The following WDTC1 variants were observed in gnomAD, a reference collection of about 807,000 sequenced individuals.
WDTC1 encodes the protein WD and tetratricopeptide repeats protein 1.
A neutral mutation model predicts 76.0 loss-of-function variants in WDTC1; 12 were observed. The observed-to-expected ratio is 0.16, with a 90% CI of 0.10 to 0.26. The LOEUF is 0.26. Ranked by LOEUF, WDTC1 falls within the 10% of genes least tolerant of loss-of-function variation. The pLI, the probability that WDTC1 is intolerant of heterozygous loss-of-function variation, is 1.00. For synonymous variants in WDTC1, 326 were observed against 350.8 expected, an observed-to-expected ratio of 0.93 and a Z score of 0.79; for missense variants, 511 against 908.8, an observed-to-expected ratio of 0.56 and a Z score of 5.63.
chr1:27,280,653 C>A (rs947495038), intron 3 of WDTC1, among the ~76,000 whole-genome samples: 3 of 152,214 alleles, frequency 2.0e-5, no homozygotes, highest in African/African-American at 7.2e-5. Flanking sequence ...TCCTAGTTGG[C>A]ATTTTTTGTG....
intron 1 of WDTC1, among the ~76,000 whole-genome samples, chr1:27,241,537 G>A (rs761604812): frequency 3.3e-4 from 50 of 152,188 alleles, no homozygotes; most frequent in Middle Eastern, 3.4e-3. Flanking sequence ...CTGTCACTGA[G>A]TTAGAAAGGA....
intron 13 of WDTC1, among the ~76,000 whole-genome samples, chr1:27,302,452 T>A (rs1208717855): frequency 6.6e-6 from 1 of 152,176 alleles, no homozygotes; most frequent in Non-Finnish European, 1.5e-5. Flanking sequence ...TATAGCTGTG[T>A]GGCCTAGCGC....
chr1:27,294,381 T>G, intron 8 of WDTC1, 133 bp from the exon 9 acceptor site: 1 of 804,354 alleles, frequency 1.2e-6, no homozygotes, highest in Non-Finnish European at 2.0e-6. Context: ...GTGCATATAG[T>G]AAGGGCTCAA....
intron 1 of WDTC1, among the ~76,000 whole-genome samples, chr1:27,259,857 C>CAA (rs57818136): frequency 1.2e-4 from 11 of 91,634 alleles, no homozygotes; most frequent in East Asian, 5.6e-4. Flanking sequence ...TCCATCTCTA[C>CAA]AAAAAAAAAA....
At chr1:27,261,185 T>C (rs2012467082) in intron 2 of WDTC1, 83 bp downstream of exon 2, 2 of 1,563,260 alleles carry the variant, frequency 1.3e-6, no homozygotes, top group Middle Eastern at 1.7e-4. Context: ...AACTGAAATC[T>C]ATAGTCTGTG....
At chr1:27,267,674 C>CT (rs1186871387) in intron 3 of WDTC1, among the ~76,000 whole-genome samples, 1 of 151,978 alleles carries the variant, frequency 6.6e-6, no homozygotes, top group Non-Finnish European at 1.5e-5. Flanking sequence ...AAATGTTAGC[C>CT]TAACATATTT....
rs2012952411 is a variant in WDTC1, at chr1:27,274,050, T to C, written c.133-8189T>C. Among the ~76,000 whole-genome samples, 1 of 152,090 alleles carries C rather than the reference T, an allele frequency of 6.6e-6. No individual in the cohort carries two copies. Among genetic ancestry groups the C allele is most frequent in the African/African-American group, 2.4e-5 (1 of 41,424 alleles). On this transcript the variant is annotated intron_variant, in intron 3 of 15. Transcript: ENST00000319394. The surrounding 1 kb of genome is among the most constrained non-coding windows in gnomAD (Gnocchi z 4.2). ...GCTCACACCTGTAATCCTATCACTT[T>C]GGAGGCTGAGGTGGGAGGATCACTT...
intron 10 of WDTC1, 96 bp downstream of exon 10, chr1:27,296,497 T>C (rs545497047): frequency 7.6e-7 from 1 of 1,322,506 alleles, no homozygotes; most frequent in African/African-American, 1.5e-5. Context: ...CTCTGGACCG[T>C]GATCCTCCAA....
intron 5 of WDTC1, 61 bp downstream of exon 5, chr1:27,283,510 C>T (rs891238428): frequency 7.9e-6 from 12 of 1,511,578 alleles, no homozygotes; most frequent in Non-Finnish European, 1.0e-5. Context: ...AGTGACTGGG[C>T]TGTGGCCACG....
In WDTC1 at chr1:27,306,496, C is replaced by T. The variant is rs1441735671; in HGVS notation, c.*113C>T. On this transcript the variant is annotated 3_prime_UTR_variant, in exon 16 of 16. Coordinates refer to ENST00000319394, the MANE Select transcript of WDTC1 (RefSeq NM_001276252.2). The surrounding 1 kb of genome is among the most constrained non-coding windows in gnomAD (Gnocchi z 5.0). The stretch of plus-strand genomic sequence containing the variant: ...TCCCCACCACCCTTTTTTTTCATTT[C>T]CCCTGTTTTGTTTGTTAGTTTGGCG... 1 of 1,316,040 alleles carries T rather than the reference C, an allele frequency of 7.6e-7. No homozygotes were observed. Among genetic ancestry groups the T allele is most frequent in the Non-Finnish European group, 1.0e-6 (1 of 984,154 alleles). The allele number at this position is 1,316,040 out of a possible 1,614,324, so 81.5% of individuals were successfully genotyped here.
At chr1:27,272,159 T>A (rs2012888418) in intron 3 of WDTC1, among the ~76,000 whole-genome samples, 1 of 151,742 alleles carries the variant, frequency 6.6e-6, no homozygotes, top group African/African-American at 2.4e-5. Flanking sequence ...GGCAGGAGAA[T>A]CGCTTGAACC....
intron 1 of WDTC1, among the ~76,000 whole-genome samples, chr1:27,235,557 T>C (rs1266901927): frequency 6.6e-6 from 1 of 151,632 alleles, no homozygotes; most frequent in Non-Finnish European, 1.5e-5. Flanking sequence ...GGCTATTCAG[T>C]ACCCACTTCA....
intron 1 of WDTC1, among the ~76,000 whole-genome samples, chr1:27,260,374 G>A (rs1365306195): frequency 2.0e-5 from 3 of 152,160 alleles, no homozygotes; most frequent in African/African-American, 4.8e-5. Context: ...CGAAGTTCTG[G>A]GATTACAGGT....
chr1:27,292,814 C>T (rs186728601), intron 7 of WDTC1, among the ~76,000 whole-genome samples: 633 of 132,030 alleles, frequency 4.8e-3, no homozygotes, highest in Admixed American at 7.3e-3. Context: ...CGTGTTGGAG[C>T]GCAGTGGCAC....
chr1:27,246,909 C>T (rs2011858954), intron 1 of WDTC1, among the ~76,000 whole-genome samples: 1 of 149,342 alleles, frequency 6.7e-6, no homozygotes, highest in Admixed American at 6.7e-5. Flanking sequence ...CTCTGTCACC[C>T]AGCCTGGAGT....
chr1:27,238,860 C>T (rs2011549956), intron 1 of WDTC1, among the ~76,000 whole-genome samples: 1 of 151,632 alleles, frequency 6.6e-6, no homozygotes, highest in African/African-American at 2.4e-5. Context: ...ACACCGCGCC[C>T]AGCCCCGGCT....
chr1:27,305,275 A>C lies in WDTC1; in HGVS notation c.1836+82A>C. On this transcript the variant is annotated intron_variant, in intron 15 of 15. Coordinates refer to ENST00000319394, the MANE Select transcript of WDTC1 (RefSeq NM_001276252.2). The surrounding 1 kb of genome is among the most constrained non-coding windows in gnomAD (Gnocchi z 4.6). ...GGAGCCTGCTAGCGCAGGGAAGAGA[A>C]ATGAGCCACCCAGAGGCTAGAAGCT... is the stretch of plus-strand genomic sequence containing the variant. The C allele has an allele frequency of 6.7e-7, 1 of 1,483,974 alleles. No individual in the cohort carries two copies. Among genetic ancestry groups the C allele is most frequent in the African/African-American group, 1.4e-5 (1 of 71,260 alleles). 91.9% of individuals were successfully genotyped at this position (1,483,974 alleles called of 1,614,324 possible). A position where few individuals can be genotyped will look rare whatever the true frequency, so the allele number is the denominator to read the frequency against.
intron 1 of WDTC1, among the ~76,000 whole-genome samples, chr1:27,244,586 A>T (rs2011749622): frequency 6.6e-6 from 1 of 152,040 alleles, no homozygotes. Context: ...CCTTCAAGTG[A>T]TCCTCCTGCC....
chr1:27,297,008 C>T (rs1354643863), intron 10 of WDTC1, 40 bp from the exon 11 acceptor site: 2 of 1,593,972 alleles, frequency 1.3e-6, no homozygotes, highest in East Asian at 2.2e-5. Context: ...GGGTCCTCTT[C>T]CTGAGTTGTT....
Sources: allele counts gnomAD v4.1 joint callset (sites outside exome capture counted in the v4.1 genomes callset), GRCh38; gene constraint gnomAD v4.1.1; non-coding constraint Gnocchi (gnomAD v3.1); transcripts MANE v1.5; gene names NCBI Gene and HGNC (gene_info 2026-07-23, HGNC 2026-07-21).